Variants in ENPP6 observed in about 807,000 individuals in gnomAD.
ENPP6 encodes ectonucleotide pyrophosphatase/phosphodiesterase 6, also known as glycerophosphocholine cholinephosphodiesterase ENPP6.
ENPP6 carries 32 observed loss-of-function variants against 42.0 expected under a neutral mutation model. That is an observed-to-expected ratio of 0.76 (90% CI 0.58 to 1.02). The LOEUF (loss-of-function observed/expected upper bound fraction) is 1.02. ENPP6 is among the 50% of genes least tolerant of loss of function. The pLI, the probability that ENPP6 is intolerant of heterozygous loss-of-function variation, is 0.00. For missense variants in ENPP6, 552 were observed against 566.8 expected (o/e 0.97, Z 0.27); for synonymous variants, 213 against 216.0 (o/e 0.99, Z 0.12).
At chr4:184,138,864 C>A (rs547608795) in intron 2 of ENPP6, among the ~76,000 whole-genome samples, 2 of 152,164 alleles carry the variant, frequency 1.3e-5, no homozygotes, top group Non-Finnish European at 2.9e-5. Context: ...AGGTTATCCC[C>A]CAACTAAAGC....
intron 1 of ENPP6, among the ~76,000 whole-genome samples, chr4:184,193,145 G>A (rs996835490): frequency 3.9e-5 from 6 of 152,184 alleles, no homozygotes; most frequent in South Asian, 2.1e-4. Flanking sequence ...TATCTATTCA[G>A]GAGAAATGAC....
intron 1 of ENPP6, among the ~76,000 whole-genome samples, chr4:184,192,560 CA>C (rs1732725400): frequency 6.6e-6 from 1 of 152,012 alleles, no homozygotes; most frequent in Admixed American, 6.6e-5. Context: ...AGTTATGACA[CA>C]AAAAGTACAA....
intron 7 of ENPP6, among the ~76,000 whole-genome samples, chr4:184,096,623 C>T (rs967336033): frequency 1.3e-5 from 2 of 152,132 alleles, no homozygotes; most frequent in African/African-American, 4.8e-5. Context: ...CAGATAGGCC[C>T]TCTCCATCTC....
chr4:184,176,524 C>T (rs1158493321), intron 1 of ENPP6, among the ~76,000 whole-genome samples: 1 of 152,084 alleles, frequency 6.6e-6, no homozygotes, highest in African/African-American at 2.4e-5. Flanking sequence ...CGTATTGCAT[C>T]TCCAGTGGGC....
At chr4:184,177,128 G>T (rs928567327) in intron 1 of ENPP6, among the ~76,000 whole-genome samples, 2 of 152,180 alleles carry the variant, frequency 1.3e-5, no homozygotes, top group Admixed American at 6.5e-5. Flanking sequence ...TTCACAGGGG[G>T]AGGGGTTGCC....
chr4:184,142,664 T>A (rs1267309606), intron 2 of ENPP6, among the ~76,000 whole-genome samples: 2 of 152,156 alleles, frequency 1.3e-5, no homozygotes, highest in Non-Finnish European at 2.9e-5. Flanking sequence ...TAGCGCTGAC[T>A]CTGAAAACTC....
chr4:184,172,056 G>A (rs1371006851), intron 1 of ENPP6, among the ~76,000 whole-genome samples: 1 of 152,102 alleles, frequency 6.6e-6, no homozygotes, highest in African/African-American at 2.4e-5. Context: ...CTTGAGTGGT[G>A]GCGGAAATAA....
At chr4:184,180,856 T>C (rs948007183) in intron 1 of ENPP6, among the ~76,000 whole-genome samples, 6 of 152,056 alleles carry the variant, frequency 3.9e-5, no homozygotes, top group Non-Finnish European at 7.4e-5. Context: ...TGATAGAAAA[T>C]ACTCAGAATA....
intron 3 of ENPP6, among the ~76,000 whole-genome samples, chr4:184,123,515 T>G (rs751298175): frequency 6.6e-6 from 1 of 152,164 alleles, no homozygotes; most frequent in Non-Finnish European, 1.5e-5. Context: ...GTTGCTGATC[T>G]CTACTTAATG....
rs532936709 is a variant in ENPP6 at position 184,091,142 on chromosome 4, A to G, written c.*35T>C. On this transcript the variant is annotated 3_prime_UTR_variant, in exon 8 of 8. Transcript: ENST00000296741. ...CTGGCTTTGGAGGCCCACTTTGCTG[A>G]TGGTGTTTTTTTCTGAGACAAGCAA... 21 of 1,497,420 alleles carry G rather than the reference A, an allele frequency of 1.4e-5. No homozygotes were observed. Among genetic ancestry groups the G allele is most frequent in the Non-Finnish European group, 1.7e-5 (19 of 1,124,394 alleles). 92.8% of individuals were successfully genotyped at this position (1,497,420 alleles called of 1,614,324 possible). A position where few individuals can be genotyped will look rare whatever the true frequency, so the allele number is the denominator to read the frequency against.
intron 4 of ENPP6, 42 bp downstream of exon 4, chr4:184,117,717 G>A (rs769782111): frequency 1.9e-6 from 3 of 1,606,272 alleles, no homozygotes; most frequent in South Asian, 2.2e-5. Context: ...AACAGAGGGT[G>A]ACAGAGAGAA....
intron 1 of ENPP6, among the ~76,000 whole-genome samples, chr4:184,193,703 G>T (rs1472650793): frequency 6.6e-6 from 1 of 152,134 alleles, no homozygotes; most frequent in Non-Finnish European, 1.5e-5. Flanking sequence ...CCATATATGG[G>T]ATCTAATTAG....
rs376993212 is a variant in ENPP6, at chr4:184,131,201, C to CTTTCT, written c.422-6930_422-6929insAGAAA. On this transcript the variant is annotated intron_variant, in intron 2 of 7. Transcript: ENST00000296741. Reference sequence around the variant, plus strand: ...TCTTTCTTTCTTTCTTTCTTTCTTTCTTCTTTCTTTCTTTCTTTTTCTTTC... The same window carrying CTTTCT: ...TCTTTCTTTCTTTCTTTCTTTCTTTCTTTCTTTCTTTCTTTCTTTCTTTTTCTTTC... Among the ~76,000 whole-genome samples, 503 of 70,668 alleles carry CTTTCT rather than the reference C, an allele frequency of 7.1e-3. 21 individuals carry two copies. Among genetic ancestry groups the CTTTCT allele is most frequent in the African/African-American group, 0.019 (337 of 17,308 alleles). The allele number at this position is 70,668 out of a possible 152,430, so 46.4% of individuals were successfully genotyped here.
intron 1 of ENPP6, among the ~76,000 whole-genome samples, chr4:184,202,419 G>A (rs995880439): frequency 6.6e-6 from 1 of 152,156 alleles, no homozygotes; most frequent in Non-Finnish European, 1.5e-5. Context: ...GTGAAGTCTG[G>A]AGTGGAACAG....
At chr4:184,122,214 T>C (rs1226950054) in intron 3 of ENPP6, among the ~76,000 whole-genome samples, 3 of 152,148 alleles carry the variant, frequency 2.0e-5, no homozygotes, top group Non-Finnish European at 2.9e-5. Flanking sequence ...TTGCAGACCA[T>C]GTGAATGCCA....
chr4:184,109,655 T>A (rs1209945947), intron 6 of ENPP6, among the ~76,000 whole-genome samples: 1 of 152,254 alleles, frequency 6.6e-6, no homozygotes, highest in African/African-American at 2.4e-5. Flanking sequence ...TTAAAGTTTC[T>A]ACTTCACTTA....
At chr4:184,206,404 G>A (rs3970314) in intron 1 of ENPP6, among the ~76,000 whole-genome samples, 1 of 74,580 alleles carries the variant, frequency 1.3e-5, no homozygotes, top group Non-Finnish European at 2.7e-5. Flanking sequence ...ACTACAGGCG[G>A]GCGCCACCAG....
At chr4:184,153,457 C>T (rs115694920) in intron 2 of ENPP6, 97 bp downstream of exon 2, 2 of 1,378,012 alleles carry the variant, frequency 1.5e-6, no homozygotes, top group Non-Finnish European at 2.0e-6. Flanking sequence ...TCCCATTTTC[C>T]AAACCACGGC....
At chr4:184,121,098 G>A (rs757773381) in intron 3 of ENPP6, among the ~76,000 whole-genome samples, 22 of 152,270 alleles carry the variant, frequency 1.4e-4, no homozygotes, top group Non-Finnish European at 2.9e-4. Context: ...ACAATACCAC[G>A]GACATGAGAA....
Sources: allele counts gnomAD v4.1 joint callset (sites outside exome capture counted in the v4.1 genomes callset), GRCh38; gene constraint gnomAD v4.1.1; transcripts MANE v1.5; gene names NCBI Gene and HGNC (gene_info 2026-07-23, HGNC 2026-07-21).